MGRN1: variants seen among roughly 807,000 people sequenced by gnomAD.
The protein encoded by MGRN1 is E3 ubiquitin-protein ligase MGRN1.
MGRN1 carries 29 observed loss-of-function variants against 69.2 expected under a neutral mutation model. The observed-to-expected ratio is 0.42, with a 90% confidence interval of 0.31 to 0.57. The LOEUF (loss-of-function observed/expected upper bound fraction) is 0.57. Among genes scored for constraint, MGRN1 ranks in the 20% least tolerant of loss-of-function variants. The pLI is 0.15. For missense variants in MGRN1, 998 were observed against 796.2 expected (o/e 1.25, Z -3.05); for synonymous variants, 470 against 344.2 (o/e 1.37, Z -4.04).
chr16:4,625,088 C>T (rs1471396211), intron 1 of MGRN1, 40 bp downstream of exon 1: 3 of 1,490,018 alleles, frequency 2.0e-6, no homozygotes, highest in East Asian at 5.9e-5. Flanking sequence ...TAGGCACGCG[C>T]TGGAACGCGG....
chr16:4,662,939 C>G (rs117515052), intron 5 of MGRN1, among the ~76,000 whole-genome samples: 2,292 of 152,324 alleles, frequency 0.015, 32 homozygotes, highest in Non-Finnish European at 0.023. Context: ...GGGCTTGTCC[C>G]TTCCTCATGG....
intron 5 of MGRN1, among the ~76,000 whole-genome samples, chr16:4,663,297 C>G (rs897493536): frequency 3.3e-5 from 5 of 150,480 alleles, no homozygotes; most frequent in Admixed American, 6.6e-5. Flanking sequence ...CTGCTGACCT[C>G]AGGTGATCCG....
At chr16:4,687,661 G>C (rs2079362855) in intron 16 of MGRN1, 1 of 984,960 alleles carries the variant, frequency 1.0e-6, no homozygotes, top group Non-Finnish European at 1.2e-6. Flanking sequence ...TAGGCAGACG[G>C]ATTGGGGACC....
At chr16:4,683,098 GT>G in intron 14 of MGRN1, 125 bp from the exon 15 acceptor site, 1 of 1,511,316 alleles carries the variant, frequency 6.6e-7, no homozygotes, top group Non-Finnish European at 9.0e-7. Flanking sequence ...GCCTCGGTCT[GT>G]GGAGGCAGCA....
chr16:4,660,172 G>A (rs1744716147), intron 5 of MGRN1, among the ~76,000 whole-genome samples: 1 of 152,244 alleles, frequency 6.6e-6, no homozygotes, highest in Non-Finnish European at 1.5e-5. Flanking sequence ...GAGGACATGT[G>A]TGGAGGGGCT....
intron 7 of MGRN1, among the ~76,000 whole-genome samples, chr16:4,666,969 G>C (rs530900838): frequency 2.8e-4 from 42 of 152,326 alleles, no homozygotes; most frequent in African/African-American, 9.6e-4. Flanking sequence ...GTGGTGGGAC[G>C]CACGCTTGTT....
chr16:4,688,493 A>C, intron 16 of MGRN1: 1 of 1,167,246 alleles, frequency 8.6e-7, no homozygotes, highest in Non-Finnish European at 1.1e-6. Context: ...GGGCAAGGGC[A>C]GGAGGCCCAG....
At chr16:4,666,095 C>G (rs1294985179) in intron 7 of MGRN1, among the ~76,000 whole-genome samples, 1 of 152,000 alleles carries the variant, frequency 6.6e-6, no homozygotes, top group African/African-American at 2.4e-5. Flanking sequence ...TCCCAAAGTG[C>G]TTGGATTACA....
Position 4,683,284 on chromosome 16 carries a change from C to G in MGRN1, c.1528+15C>G. Reference sequence around the variant, plus strand: ...ACCACAGCAAGGTGAGCGCCTCCTTCCATGGGCACAAACCGCATGCAGGGA... The same window carrying G: ...ACCACAGCAAGGTGAGCGCCTCCTTGCATGGGCACAAACCGCATGCAGGGA... On this transcript the variant is annotated intron_variant, in intron 15 of 16. Transcript: ENST00000262370. 1 of 1,613,586 alleles carries G rather than the reference C, an allele frequency of 6.2e-7. No homozygotes were observed. Among genetic ancestry groups the G allele is most frequent in the South Asian group, 1.1e-5 (1 of 91,088 alleles).
In MGRN1 at chr16:4,681,673, A is replaced by G. The variant is rs1303317417; in HGVS notation, c.1255A>G (p.Ile419Val). Residue 419 changes from isoleucine to valine, a missense_variant, in exon 13 of 17, where the codon ATC becomes GTC. Coordinates refer to ENST00000262370, the MANE Select transcript of MGRN1 (RefSeq NM_015246.4). Reference sequence around the variant, plus strand: ...TTATGAAGAAATCACCTATTCAGGCATCTCGGACGGCCTGTCCCAGGCCAG... The same window carrying G: ...TTATGAAGAAATCACCTATTCAGGCGTCTCGGACGGCCTGTCCCAGGCCAG... ...PLYEEITYSGISDGLSQASCP... is the reference protein window; with the variant it reads ...PLYEEITYSGVSDGLSQASCP... 4 of 1,613,326 alleles carry G rather than the reference A, an allele frequency of 2.5e-6. No homozygotes were observed. The Admixed American group carries it at 6.7e-5, about 27-fold the overall frequency.
chr16:4,662,019 C>T (rs1213175180), intron 5 of MGRN1, among the ~76,000 whole-genome samples: 1 of 152,142 alleles, frequency 6.6e-6, no homozygotes. Flanking sequence ...GTGCTGCCAG[C>T]CTTTGCCGTG....
rs567323559 is a variant in MGRN1 at position 4,628,706 on chromosome 16, G to C, written c.88+3658G>C. Reference sequence around the variant, plus strand: ...ATTACAGGTGCGCACCACCACGCCCGGCTAATTTTTAAATTTTTGGTACAG... The same window carrying C: ...ATTACAGGTGCGCACCACCACGCCCCGCTAATTTTTAAATTTTTGGTACAG... On this transcript the variant is annotated intron_variant, in intron 1 of 16. Coordinates refer to ENST00000262370, the MANE Select transcript of MGRN1 (RefSeq NM_015246.4). Among the ~76,000 whole-genome samples the C allele has an allele frequency of 2.0e-5, 3 of 152,130 alleles. No homozygotes were observed. The South Asian group carries it at 6.2e-4, about 32-fold the overall frequency.
At chr16:4,635,105 T>C (rs1898211639) in intron 1 of MGRN1, 1 of 152,250 alleles carries the variant, frequency 6.6e-6, no homozygotes, top group Admixed American at 6.5e-5. Context: ...ATACTGCACA[T>C]AGACATTAAA....
At chr16:4,645,168 G>T (rs1170901192) in intron 1 of MGRN1, among the ~76,000 whole-genome samples, 1 of 149,606 alleles carries the variant, frequency 6.7e-6, no homozygotes, top group East Asian at 1.9e-4. Context: ...GGTGGTGGGG[G>T]GACGGGAAGA....
At chr16:4,664,686 A>T (rs774191162) in intron 5 of MGRN1, 23 bp from the exon 6 acceptor site, 4 of 1,613,994 alleles carry the variant, frequency 2.5e-6, no homozygotes, top group Non-Finnish European at 3.4e-6. Context: ...GGTCCTGACC[A>T]TTCTTGGCAA....
intron 8 of MGRN1, among the ~76,000 whole-genome samples, chr16:4,669,447 A>AAAAAAAAAAAC (rs1596304512): frequency 6.6e-6 from 1 of 151,196 alleles, no homozygotes; most frequent in African/African-American, 2.4e-5. Context: ...AAAAAAAAAA[A>AAAAAAAAAAAC]AGCTGTGCAA....
At chr16:4,629,359 G>C (rs1380741025) in intron 1 of MGRN1, among the ~76,000 whole-genome samples, 1 of 152,110 alleles carries the variant, frequency 6.6e-6, no homozygotes, top group Non-Finnish European at 1.5e-5. Flanking sequence ...TTTCTTAATG[G>C]TGTTTCTTTT....
chr16:4,624,850 C>A lies in MGRN1; in HGVS notation c.-111C>A. 2.3e-6 allele frequency: 2 copies of A among 884,070 alleles called. No individual in the cohort carries two copies. The highest frequency in any genetic ancestry group is 5.9e-5 in the South Asian group (2 of 33,892). The allele number at this position is 884,070 out of a possible 1,614,324, so 54.8% of individuals were successfully genotyped here. The stretch of plus-strand genomic sequence containing the variant: ...TGGGGGCTCGAGGCGCCTCCGCGGC[C>A]GTGGACGAGCGTCCGTGCGGCCTGG... On this transcript the variant is annotated 5_prime_UTR_variant, in exon 1 of 17. Coordinates refer to ENST00000262370, the MANE Select transcript of MGRN1 (RefSeq NM_015246.4).
intron 1 of MGRN1, among the ~76,000 whole-genome samples, chr16:4,627,588 C>G (rs750976379): frequency 3.3e-5 from 5 of 151,758 alleles, no homozygotes; most frequent in Admixed American, 6.6e-5. Flanking sequence ...GAGATGGAGA[C>G]CATCCTGGCT....
Sources: allele counts gnomAD v4.1 joint callset (sites outside exome capture counted in the v4.1 genomes callset), GRCh38; gene constraint gnomAD v4.1.1; transcripts MANE v1.5; gene names NCBI Gene and HGNC (gene_info 2026-07-23, HGNC 2026-07-21).